Variants in CDIN1 observed in about 807,000 individuals in gnomAD.
The protein encoded by CDIN1 is CDAN1-interacting nuclease 1.
A neutral mutation model predicts 45.3 loss-of-function variants in CDIN1; 33 were observed. The observed-to-expected ratio is 0.73, with a 90% CI of 0.55 to 0.97. The LOEUF (loss-of-function observed/expected upper bound fraction) is 0.97. Among genes scored for constraint, CDIN1 ranks in the 50% least tolerant of loss-of-function variants. The probability of loss-of-function intolerance (pLI) is 0.00; values close to 1 mark genes in which losing one functional copy is unlikely to be tolerated. For synonymous variants in CDIN1, 118 were observed against 124.4 expected (o/e 0.95, Z 0.34); for missense variants, 303 against 339.4 (o/e 0.89, Z 0.84).
chr15:36,678,639 A>G (rs1392365201), intron 5 of CDIN1, among the ~76,000 whole-genome samples: 1 of 152,100 alleles, frequency 6.6e-6, no homozygotes, highest in African/African-American at 2.4e-5. Context: ...TCCTTCACAC[A>G]TCCTTTCTTC....
At chr15:36,717,547 G>GTT (rs2043257446) in intron 10 of CDIN1, among the ~76,000 whole-genome samples, 1 of 152,006 alleles carries the variant, frequency 6.6e-6, no homozygotes, top group Non-Finnish European at 1.5e-5. Flanking sequence ...CTGTTCCACT[G>GTT]TTTATTTATC....
Position 36,808,707 on chromosome 15 carries a change from T to A in CDIN1, c.*254T>A. On this transcript the variant is annotated 3_prime_UTR_variant, in exon 11 of 11. Coordinates refer to ENST00000566621, the MANE Select transcript of CDIN1 (RefSeq NM_001321759.2). ...AGCATTTCTGTCTCTGTCAAACAATTAGTTTATAGATAGTCATAATCTTTC... is the reference window on the plus strand; with the variant it reads ...AGCATTTCTGTCTCTGTCAAACAATAAGTTTATAGATAGTCATAATCTTTC... The A allele has an allele frequency of 1.9e-6, 1 of 521,936 alleles. No homozygotes were observed. The highest frequency in any genetic ancestry group is 3.5e-6 in the Non-Finnish European group (1 of 287,082). 32.3% of individuals were successfully genotyped at this position (521,936 alleles called of 1,614,324 possible).
At chr15:36,776,235 T>G (rs1156727760) in intron 10 of CDIN1, among the ~76,000 whole-genome samples, 2 of 152,212 alleles carry the variant, frequency 1.3e-5, no homozygotes, top group Admixed American at 6.5e-5. Context: ...CCTCACAGAT[T>G]TAGGATATGT....
intron 1 of CDIN1, among the ~76,000 whole-genome samples, chr15:36,638,631 C>T (rs1034345965): frequency 6.6e-6 from 1 of 152,166 alleles, no homozygotes; most frequent in Non-Finnish European, 1.5e-5. Flanking sequence ...CTGTTTTCTG[C>T]AGTCAGTAGT....
intron 1 of CDIN1, chr15:36,614,340 C>T (rs1416244635): frequency 5.5e-6 from 3 of 541,910 alleles, no homozygotes; most frequent in East Asian, 7.5e-5. Context: ...CCCCTTCTCC[C>T]CTGTGGCTTT....
intron 1 of CDIN1, chr15:36,626,764 G>A (rs1047458080): frequency 5.2e-6 from 2 of 382,030 alleles, no homozygotes; most frequent in African/African-American, 2.1e-5. Context: ...CCCTTACTTG[G>A]TGTGCGTTAC....
intron 10 of CDIN1, among the ~76,000 whole-genome samples, chr15:36,788,106 A>ATATTT (rs1343541345): frequency 9.9e-5 from 5 of 50,528 alleles, no homozygotes; most frequent in African/African-American, 3.9e-4. Flanking sequence ...ATATATATAT[A>ATATTT]TTTTTTTTTT....
chr15:36,721,179 T>G (rs2043403928), intron 10 of CDIN1, among the ~76,000 whole-genome samples: 1 of 152,214 alleles, frequency 6.6e-6, no homozygotes, highest in Admixed American at 6.5e-5. Flanking sequence ...TATTAGCCCT[T>G]TGTCAGATGG....
chr15:36,698,747 C>T (rs1272908445), intron 8 of CDIN1, among the ~76,000 whole-genome samples: 1 of 152,106 alleles, frequency 6.6e-6, no homozygotes, highest in Non-Finnish European at 1.5e-5. Context: ...TGCTTAGCAC[C>T]ACTCTCTGGG....
intron 1 of CDIN1, among the ~76,000 whole-genome samples, chr15:36,622,591 T>G (rs756243147): frequency 3.9e-5 from 6 of 152,226 alleles, no homozygotes; most frequent in Non-Finnish European, 8.8e-5. Context: ...CAGACTGTAT[T>G]TCACCTCAGG....
intron 5 of CDIN1, among the ~76,000 whole-genome samples, chr15:36,682,380 G>C (rs2041881669): frequency 6.6e-6 from 1 of 152,066 alleles, no homozygotes; most frequent in Non-Finnish European, 1.5e-5. Context: ...TCCTTCAATG[G>C]ATTGCATAAG....
intron 10 of CDIN1, among the ~76,000 whole-genome samples, chr15:36,770,925 C>T (rs1595578465): frequency 6.6e-6 from 1 of 152,210 alleles, no homozygotes; most frequent in Non-Finnish European, 1.5e-5. Flanking sequence ...GAATGAGCAT[C>T]TCTGGGGTGA....
intron 8 of CDIN1, among the ~76,000 whole-genome samples, chr15:36,700,879 G>A (rs577764967): frequency 1.3e-5 from 2 of 151,864 alleles, no homozygotes; most frequent in South Asian, 2.1e-4. Context: ...TTCAAGACCA[G>A]CCTGGGCAAT....
At chr15:36,670,937 A>T (rs756348501) in intron 5 of CDIN1, among the ~76,000 whole-genome samples, 3 of 152,140 alleles carry the variant, frequency 2.0e-5, no homozygotes, top group Non-Finnish European at 4.4e-5. Context: ...AGAAAAGAGT[A>T]TATTGTGTTT....
intron 10 of CDIN1, among the ~76,000 whole-genome samples, chr15:36,724,854 G>T (rs956501400): frequency 6.6e-6 from 1 of 152,040 alleles, no homozygotes; most frequent in Non-Finnish European, 1.5e-5. Context: ...ATTATTCAGG[G>T]TATTGATAGT....
chr15:36,744,452 A>G (rs1021342405), intron 10 of CDIN1, among the ~76,000 whole-genome samples: 1 of 152,158 alleles, frequency 6.6e-6, no homozygotes, highest in African/African-American at 2.4e-5. Flanking sequence ...CAAGGGTAAT[A>G]TGTTCACTCA....
At chr15:36,658,213 C>G (rs2140469260) in intron 5 of CDIN1, 1 of 204,802 alleles carries the variant, frequency 4.9e-6, no homozygotes, top group East Asian at 1.1e-4. Context: ...AAACCATTGT[C>G]AGGAACTGGC....
chr15:36,617,502 G>T, intron 1 of CDIN1: 1 of 872,472 alleles, frequency 1.1e-6, no homozygotes, highest in Non-Finnish European at 2.0e-6. Flanking sequence ...ATTTGTCAAA[G>T]AATCTTTACT....
At chr15:36,769,551 T>A (rs1006258316) in intron 10 of CDIN1, among the ~76,000 whole-genome samples, 1 of 152,194 alleles carries the variant, frequency 6.6e-6, no homozygotes, top group Non-Finnish European at 1.5e-5. Context: ...ATCTGCAAAA[T>A]ACCTTCACAG....
Sources: allele counts gnomAD v4.1 joint callset (sites outside exome capture counted in the v4.1 genomes callset), GRCh38; gene constraint gnomAD v4.1.1; transcripts MANE v1.5; gene names NCBI Gene and HGNC (gene_info 2026-07-23, HGNC 2026-07-21).